Variants in INTU observed in about 807,000 individuals in gnomAD.
INTU encodes inturned planar cell polarity protein.
Under a neutral mutation model 100.5 loss-of-function variants are expected in INTU, and 68 were observed. The ratio of observed to expected loss-of-function variants is 0.68; its 90% CI spans 0.56 to 0.83. The LOEUF (loss-of-function observed/expected upper bound fraction) is 0.83, where lower values mean the gene tolerates loss of function less well. Among genes scored for constraint, INTU ranks in the 40% least tolerant of loss-of-function variants. INTU has a pLI of 0.00. For missense variants in INTU, 1,071 were observed against 1,114.7 expected (o/e 0.96, Z 0.56); for synonymous variants, 357 against 395.7 (o/e 0.90, Z 1.16).
intron 6 of INTU, among the ~76,000 whole-genome samples, chr4:127,678,123 G>T (rs1236743709): frequency 6.6e-6 from 1 of 152,236 alleles, no homozygotes; most frequent in Non-Finnish European, 1.5e-5. Context: ...ATCTACGTCT[G>T]ATTGGTGTAC....
chr4:127,685,699 T>G (rs1046061220), intron 7 of INTU: 1 of 231,906 alleles, frequency 4.3e-6, no homozygotes, highest in African/African-American at 2.3e-5. Flanking sequence ...AGAAGAAAAC[T>G]TTGCCATATT....
chr4:127,654,881 T>A (rs960710994), intron 2 of INTU, among the ~76,000 whole-genome samples: 16 of 145,054 alleles, frequency 1.1e-4, no homozygotes, highest in Middle Eastern at 3.4e-3. Context: ...AGATTTGGTC[T>A]TTTCACATAG....
intron 8 of INTU, among the ~76,000 whole-genome samples, chr4:127,691,962 G>GTGTGTATATATA: frequency 4.1e-5 from 4 of 98,256 alleles, no homozygotes; most frequent in African/African-American, 1.2e-4. Flanking sequence ...TCCATGGTAT[G>GTGTGTATATATA]TATATATATA....
chr4:127,655,198 C>T (rs1301691208), intron 2 of INTU, among the ~76,000 whole-genome samples: 4 of 151,758 alleles, frequency 2.6e-5, no homozygotes, highest in Non-Finnish European at 4.4e-5. Context: ...GTAATTTCAT[C>T]GTCTGAAGCC....
At chr4:127,653,020 T>G (rs1727974894) in intron 2 of INTU, among the ~76,000 whole-genome samples, 1 of 151,698 alleles carries the variant, frequency 6.6e-6, no homozygotes, top group African/African-American at 2.4e-5. Context: ...GAGGTGTTTG[T>G]AGTATTCTCT....
At position 127,706,540 on chromosome 4, in the gene INTU, T is replaced by C. The variant is rs376353223; in HGVS notation, c.1842T>C (p.Ala614=). ...AAGCTGGAGGTTGCGCATCCAAAGC[T>C]ATTGGGAGTCCTGGACCAGACTGTG... ...LLEAGGCASK[A]IGSPGPDCVY... Residue 614 remains alanine, a synonymous_variant, in exon 12 of 16, where the codon GCT becomes GCC. Coordinates refer to ENST00000335251, the MANE Select transcript of INTU (RefSeq NM_015693.4). 1.2e-4 allele frequency: 198 copies of C among 1,613,824 alleles called. No individual in the cohort carries two copies. The highest frequency in any genetic ancestry group is 1.7e-4 in the Non-Finnish European group (196 of 1,179,880).
In INTU at chr4:127,718,460, A is replaced by G. The variant is rs1433817271; in HGVS notation, c.*2024A>G. ...CTTTTGGCTTAGGATTGCCTTGGCT[A>G]TACAGGCTCTTTTTTTGGTTCCATA... On this transcript the variant is annotated 3_prime_UTR_variant, in exon 16 of 16. Transcript: ENST00000335251. 1.3e-5 allele frequency: 2 copies of G among 152,182 alleles called. No individual in the cohort carries two copies. The highest frequency in any genetic ancestry group is 2.9e-5 in the Non-Finnish European group (2 of 68,030). The allele number at this position is 152,182 out of a possible 1,614,324, so 9.4% of individuals were successfully genotyped here.
chr4:127,707,558 G>T (rs1218699202), intron 12 of INTU, among the ~76,000 whole-genome samples: 2 of 151,976 alleles, frequency 1.3e-5, no homozygotes, highest in African/African-American at 4.8e-5. Flanking sequence ...CAAGCTGTGG[G>T]GCCTGTTGGG....
chr4:127,694,950 C>T (rs902288575), intron 8 of INTU, among the ~76,000 whole-genome samples: 1 of 152,260 alleles, frequency 6.6e-6, no homozygotes, highest in South Asian at 2.1e-4. Flanking sequence ...AGTCCCCAGA[C>T]TTTGTTCTCC....
chr4:127,722,301 G>C lies in INTU; in HGVS notation c.*5865G>C, dbSNP rs1731357304. 6.6e-6 allele frequency: 1 copy of C among 152,430 alleles called. No homozygotes were observed. The highest frequency in any genetic ancestry group is 1.5e-5 in the Non-Finnish European group (1 of 68,260). The allele number at this position is 152,430 out of a possible 1,614,324, so 9.4% of individuals were successfully genotyped here. On this transcript the variant is annotated 3_prime_UTR_variant, in exon 16 of 16. Coordinates refer to ENST00000335251, the MANE Select transcript of INTU (RefSeq NM_015693.4). The stretch of plus-strand genomic sequence containing the variant: ...TATCACCAGTGGAGGCTGCAGACCA[G>C]CAAAGATGGCAGCCTGCTCCTTCCT...
At chr4:127,640,108 T>A (rs1446825189) in intron 1 of INTU, among the ~76,000 whole-genome samples, 1 of 151,838 alleles carries the variant, frequency 6.6e-6, no homozygotes, top group East Asian at 1.9e-4. Flanking sequence ...AACACAAGAG[T>A]TATATCTAGT....
chr4:127,674,188 T>C lies in INTU; in HGVS notation c.1156T>C (p.Leu386=). ...VAYWKESDKL[L]LIGLPAEEVP... is the part of the protein sequence containing the mutation. ...TTATTGGAAAGAATCTGACAAGTTG[T>C]TGCTAATTGGCCTGCCTGCTGAAGA... Residue 386 remains leucine (L), a synonymous_variant, in exon 6 of 16, where the codon TTG becomes CTG. Transcript: ENST00000335251. The C allele has an allele frequency of 6.2e-7, 1 of 1,612,152 alleles. No individual in the cohort carries two copies. The highest frequency in any genetic ancestry group is 8.5e-7 in the Non-Finnish European group (1 of 1,179,154).
rs1560624176 is a variant in INTU at position 127,717,158 on chromosome 4, G to C, written c.*722G>C. 6.6e-6 allele frequency: 1 copy of C among 152,036 alleles called. No individual in the cohort carries two copies. The highest frequency in any genetic ancestry group is 1.5e-5 in the Non-Finnish European group (1 of 68,008). 9.4% of individuals were successfully genotyped at this position (152,036 alleles called of 1,614,324 possible). On this transcript the variant is annotated 3_prime_UTR_variant, in exon 16 of 16. Coordinates refer to ENST00000335251, the MANE Select transcript of INTU (RefSeq NM_015693.4). ...TAATACTCTCCCTACCCCCACAACAGGCCCTGGTGTGCATTGTTCCCCTCC... is the reference window on the plus strand; with the variant it reads ...TAATACTCTCCCTACCCCCACAACACGCCCTGGTGTGCATTGTTCCCCTCC...
intron 2 of INTU, among the ~76,000 whole-genome samples, chr4:127,654,332 T>A (rs970639331): frequency 5.3e-5 from 8 of 152,350 alleles, no homozygotes; most frequent in African/African-American, 1.4e-4. Flanking sequence ...GGTCTTTACA[T>A]TTTGGCATGA....
chr4:127,662,550 T>C (rs909762133), intron 3 of INTU, among the ~76,000 whole-genome samples: 7 of 152,168 alleles, frequency 4.6e-5, no homozygotes, highest in African/African-American at 1.7e-4. Flanking sequence ...TAGACAAATA[T>C]TTCCTTTTCC....
intron 6 of INTU, among the ~76,000 whole-genome samples, chr4:127,681,511 C>T (rs1729548098): frequency 6.6e-6 from 1 of 152,094 alleles, no homozygotes. Flanking sequence ...GAAAGGATTC[C>T]CTATTTAATA....
chr4:127,683,557 C>T (rs1000253422), intron 6 of INTU, among the ~76,000 whole-genome samples: 6 of 152,142 alleles, frequency 3.9e-5, no homozygotes, highest in Non-Finnish European at 2.9e-5. Context: ...CCATAGACTG[C>T]GTGTTTCCCT....
chr4:127,645,536 A>ATT (rs1224594611), intron 2 of INTU, among the ~76,000 whole-genome samples: 1 of 151,098 alleles, frequency 6.6e-6, no homozygotes, highest in Non-Finnish European at 1.5e-5. Flanking sequence ...TGTTGTTGTT[A>ATT]TTTTTTTATT....
Position 127,687,807 on chromosome 4 carries a change from T to G in INTU, c.1389T>G (p.Ser463Arg), listed in dbSNP as rs1177425894. ...SPSAQQYDAS[S>R]AVLLDNLPGV... ...GTGCTCAGCAGTACGATGCTTCCAG[T>G]GCAGTACTTTTAGACAACCTCCCTG... Residue 463 changes from serine (S) to arginine (R), a missense_variant, in exon 8 of 16, where the codon AGT becomes AGG. Ser to Arg is a moderately radical substitution (Grantham distance 110, BLOSUM62 -1). Transcript: ENST00000335251. 1 of 1,610,620 alleles carries G rather than the reference T, an allele frequency of 6.2e-7. No individual in the cohort carries two copies. Among genetic ancestry groups the G allele is most frequent in the South Asian group, 1.1e-5 (1 of 90,468 alleles).
Sources: gnomAD v4.1 joint callset for allele counts (sites outside exome capture counted in the v4.1 genomes callset) on GRCh38, gnomAD v4.1.1 for gene constraint, MANE v1.5 for transcripts, NCBI Gene and HGNC (gene_info 2026-07-23, HGNC 2026-07-21) for gene names.